SGCZ: variants seen among roughly 807,000 people sequenced by gnomAD.
SGCZ encodes the protein sarcoglycan zeta.
In SGCZ, 40 loss-of-function variants were observed where a neutral mutation model predicts 41.3. That is an observed-to-expected ratio of 0.97 (90% CI 0.75 to 1.26). The LOEUF is 1.26. Among genes scored for constraint, SGCZ ranks in the 50% most tolerant of loss-of-function variants. SGCZ has a pLI of 0.00. For missense variants in SGCZ, 552 were observed against 369.8 expected, an observed-to-expected ratio of 1.49 and a Z score of -4.04; for synonymous variants, 206 against 137.5, an observed-to-expected ratio of 1.50 and a Z score of -3.49.
At chr8:14,598,487 C>G (rs1047839793) in intron 1 of SGCZ, among the ~76,000 whole-genome samples, 1 of 151,422 alleles carries the variant, frequency 6.6e-6, no homozygotes, top group Non-Finnish European at 1.5e-5. Context: ...TCATCTCTCT[C>G]TCTCTATATA....
chr8:14,188,918 A>G (rs1380070730), intron 4 of SGCZ, among the ~76,000 whole-genome samples: 20 of 148,668 alleles, frequency 1.3e-4, no homozygotes, highest in Non-Finnish European at 2.7e-4. Flanking sequence ...TGCAACCTCC[A>G]TCACCCGGGT....
At chr8:14,747,879 A>ATTTTTTTT (rs375144725) in intron 1 of SGCZ, among the ~76,000 whole-genome samples, 2 of 130,336 alleles carry the variant, frequency 1.5e-5, no homozygotes, top group Non-Finnish European at 1.6e-5. Context: ...CAACTGACTA[A>ATTTTTTTT]TTTTTTTTTT....
intron 2 of SGCZ, among the ~76,000 whole-genome samples, chr8:14,405,457 C>G (rs1473853584): frequency 6.6e-6 from 1 of 151,922 alleles, no homozygotes; most frequent in Non-Finnish European, 1.5e-5. Flanking sequence ...TTTATTATAC[C>G]TCAATGTGCA....
chr8:14,237,772 A>G, intron 3 of SGCZ, 93 bp from the exon 4 acceptor site: 5 of 1,215,796 alleles, frequency 4.1e-6, no homozygotes. Flanking sequence ...ATTCTGAAAA[A>G]TTTAATTTGT....
Position 15,208,196 on chromosome 8 carries a change from G to A in SGCZ, c.39+29389C>T, listed in dbSNP as rs79419542. Among the ~76,000 whole-genome samples the A allele has an allele frequency of 6.6e-3, 999 of 152,326 alleles. 14 individuals carry two copies. The highest frequency in any genetic ancestry group is 0.023 in the African/African-American group (942 of 41,582). On this transcript the variant is annotated intron_variant, in intron 1 of 7. Coordinates refer to ENST00000382080, the MANE Select transcript of SGCZ (RefSeq NM_139167.4). Reference sequence around the variant, plus strand: ...AGAATGTGTAAAGAGATCAAAGACAGTAATCCTCAGGGTTTGCTGGAAAAC... The same window carrying A: ...AGAATGTGTAAAGAGATCAAAGACAATAATCCTCAGGGTTTGCTGGAAAAC...
chr8:14,666,448 G>C (rs1435854004), intron 1 of SGCZ, among the ~76,000 whole-genome samples: 3 of 152,142 alleles, frequency 2.0e-5, no homozygotes, highest in Non-Finnish European at 4.4e-5. Flanking sequence ...AAAAACGTTA[G>C]TGTCCTTTCA....
At chr8:14,840,604 C>T (rs988809466) in intron 1 of SGCZ, among the ~76,000 whole-genome samples, 5 of 152,070 alleles carry the variant, frequency 3.3e-5, no homozygotes, top group Non-Finnish European at 5.9e-5. Context: ...AACCAAGTCT[C>T]ATTTCTCCAA....
At position 14,518,057 on chromosome 8, in the gene SGCZ, C is replaced by G. The variant is rs998170029; in HGVS notation, c.234+36675G>C. Among the ~76,000 whole-genome samples, 14 of 151,442 alleles carry G rather than the reference C, an allele frequency of 9.2e-5. No individual in the cohort carries two copies. The South Asian group carries it at 1.5e-3, about 16-fold the overall frequency. ...AACTCTGAGAAAATAGTTTTTTAAG[C>G]AATAAGGTTATTGTTAATGAAAGTG... On this transcript the variant is annotated intron_variant, in intron 2 of 7. Transcript: ENST00000382080.
chr8:14,662,421 C>G (rs1807785352), intron 1 of SGCZ, among the ~76,000 whole-genome samples: 1 of 152,138 alleles, frequency 6.6e-6, no homozygotes, highest in Non-Finnish European at 1.5e-5. Flanking sequence ...ATAAAGCACC[C>G]TTGTGAGGCT....
intron 2 of SGCZ, among the ~76,000 whole-genome samples, chr8:14,352,189 G>C (rs950371237): frequency 2.6e-5 from 4 of 152,006 alleles, no homozygotes; most frequent in African/African-American, 9.7e-5. Flanking sequence ...CTTGTGTGAA[G>C]ACTCAATTGA....
chr8:14,895,182 A>G (rs530711140), intron 1 of SGCZ, among the ~76,000 whole-genome samples: 85 of 152,298 alleles, frequency 5.6e-4, no homozygotes, highest in African/African-American at 2.0e-3. Flanking sequence ...GATTTTATTA[A>G]TAACAGTTGT....
intron 2 of SGCZ, among the ~76,000 whole-genome samples, chr8:14,402,769 C>A (rs979460993): frequency 1.4e-5 from 2 of 147,536 alleles, no homozygotes; most frequent in Admixed American, 1.3e-4. Context: ...CTTGGCCATG[C>A]GGGCTCTTTT....
intron 3 of SGCZ, among the ~76,000 whole-genome samples, chr8:14,289,498 T>C (rs943015076): frequency 1.3e-5 from 2 of 152,150 alleles, no homozygotes; most frequent in African/African-American, 2.4e-5. Context: ...TATCCACTTA[T>C]CCTACAGCTT....
chr8:14,862,344 G>T (rs1803777440), intron 1 of SGCZ, among the ~76,000 whole-genome samples: 1 of 151,770 alleles, frequency 6.6e-6, no homozygotes, highest in Non-Finnish European at 1.5e-5. Flanking sequence ...CACCTTCCCA[G>T]TGGCACAACA....
intron 1 of SGCZ, among the ~76,000 whole-genome samples, chr8:15,109,037 C>T (rs996461387): frequency 4.6e-5 from 7 of 151,972 alleles, no homozygotes; most frequent in South Asian, 2.1e-4. Context: ...TAATTTTTAA[C>T]AAGAACCTGG....
intron 2 of SGCZ, among the ~76,000 whole-genome samples, chr8:14,335,795 C>T (rs147271517): frequency 6.6e-6 from 1 of 152,052 alleles, no homozygotes; most frequent in Non-Finnish European, 1.5e-5. Flanking sequence ...GAGCTTGTGC[C>T]AGTCTCTATT....
At chr8:14,583,661 C>G (rs1804968129) in intron 1 of SGCZ, among the ~76,000 whole-genome samples, 1 of 152,096 alleles carries the variant, frequency 6.6e-6, no homozygotes, top group African/African-American at 2.4e-5. Context: ...AGTCTTTAAT[C>G]CATCTTGAAT....
At chr8:15,143,302 A>G (rs1323479073) in intron 1 of SGCZ, among the ~76,000 whole-genome samples, 4 of 152,352 alleles carry the variant, frequency 2.6e-5, no homozygotes, top group East Asian at 3.9e-4. Context: ...TTAGCCTAGC[A>G]TAACTCTAGC....
chr8:14,203,632 T>C (rs528660531), intron 4 of SGCZ, among the ~76,000 whole-genome samples: 1 of 152,308 alleles, frequency 6.6e-6, no homozygotes, highest in African/African-American at 2.4e-5. Context: ...TGAATGAAGA[T>C]GAATAGAGGT....
Sources: gnomAD v4.1 joint callset for allele counts (sites outside exome capture counted in the v4.1 genomes callset) on GRCh38, gnomAD v4.1.1 for gene constraint, MANE v1.5 for transcripts, NCBI Gene and HGNC (gene_info 2026-07-23, HGNC 2026-07-21) for gene names.